Variants in DYRK1A observed in about 807,000 individuals in gnomAD.
DYRK1A encodes dual specificity tyrosine-phosphorylation-regulated kinase 1A.
Under a neutral mutation model 79.7 loss-of-function variants are expected in DYRK1A, and 9 were observed. That is an observed-to-expected ratio of 0.11 (90% CI 0.07 to 0.20). The LOEUF (loss-of-function observed/expected upper bound fraction) is 0.20. Among genes scored for constraint, DYRK1A ranks in the 10% least tolerant of loss-of-function variants. DYRK1A has a pLI of 1.00. For synonymous variants in DYRK1A, 349 were observed against 329.7 expected, an observed-to-expected ratio of 1.06 and a Z score of -0.63; for missense variants, 622 against 956.0, an observed-to-expected ratio of 0.65 and a Z score of 4.61.
Position 37,505,409 on chromosome 21 carries a change from A to G in DYRK1A, c.1339A>G (p.Ile447Val), listed in dbSNP as rs1268200083. ...TGACTACTTGAAGTTCAAAGACCTC[A>G]TTTTAAGGATGCTTGATTATGACCC... Reference protein sequence around the residue: ...VADYLKFKDLILRMLDYDPKT... With the variant: ...VADYLKFKDLVLRMLDYDPKT... The change falls in exon 10 of 12, where the codon ATT becomes GTT. Residue 447 changes from isoleucine (I) to valine (V), a missense_variant. By Grantham distance (29) the Ile-to-Val change is conservative. This residue lies in a region of DYRK1A where 80 missense variants were observed against 116.5 expected (regional missense o/e 0.69). Transcript: ENST00000647188. The G allele has an allele frequency of 3.1e-6, 5 of 1,614,196 alleles. No homozygotes were observed. The highest frequency in any genetic ancestry group is 4.2e-6 in the Non-Finnish European group (5 of 1,180,030).
At chr21:37,495,069 T>G (rs1283307211) in intron 8 of DYRK1A, among the ~76,000 whole-genome samples, 1 of 152,004 alleles carries the variant, frequency 6.6e-6, no homozygotes, top group Non-Finnish European at 1.5e-5. Flanking sequence ...TGAATATGGT[T>G]CCTAGCATAT....
chr21:37,497,041 C>A lies in DYRK1A; in HGVS notation c.1212+783C>A, dbSNP rs139249576. Among the ~76,000 whole-genome samples the A allele has an allele frequency of 7.3e-4, 111 of 152,116 alleles. 1 individual carries two copies. The highest frequency in any genetic ancestry group is 6.9e-3 in the East Asian group (36 of 5,180). ...TGTATAAATATGTGATTGAATATGACCCCCACACACACATGTACATACAGA... is the reference window on the plus strand; with the variant it reads ...TGTATAAATATGTGATTGAATATGAACCCCACACACACATGTACATACAGA... On this transcript the variant is annotated intron_variant, in intron 9 of 11. Transcript: ENST00000647188.
At chr21:37,495,135 A>T (rs1243587486) in intron 8 of DYRK1A, among the ~76,000 whole-genome samples, 1 of 148,432 alleles carries the variant, frequency 6.7e-6, no homozygotes, top group Admixed American at 6.7e-5. Context: ...TCCATACTTT[A>T]TTAAGCCTCT....
intron 2 of DYRK1A, among the ~76,000 whole-genome samples, chr21:37,420,850 T>A (rs1442879219): frequency 6.6e-6 from 1 of 152,144 alleles, no homozygotes; most frequent in Non-Finnish European, 1.5e-5. Context: ...GTTTATTTTT[T>A]CCTTGTTCCC....
intron 8 of DYRK1A, among the ~76,000 whole-genome samples, chr21:37,494,998 A>G (rs890051229): frequency 1.3e-5 from 2 of 151,514 alleles, no homozygotes; most frequent in Non-Finnish European, 2.9e-5. Flanking sequence ...CTGTCTTCCC[A>G]CTATAACATA....
At position 37,427,391 on chromosome 21, in the gene DYRK1A, T is replaced by C. The variant is rs1451610614; in HGVS notation, c.10+7007T>C. Among the ~76,000 whole-genome samples the C allele has an allele frequency of 2.0e-5, 3 of 152,258 alleles. No individual in the cohort carries two copies. The East Asian group carries it at 5.8e-4, about 29-fold the overall frequency. On this transcript the variant is annotated intron_variant, in intron 2 of 11. Transcript: ENST00000647188. ...CTTCCGCCTTAACCTCCCAAAGTGC[T>C]GGGATTACAGGTGTGAGTCACCGTC...
chr21:37,389,925 GTT>G (rs113974002), intron 1 of DYRK1A, among the ~76,000 whole-genome samples: 15 of 135,044 alleles, frequency 1.1e-4, no homozygotes, highest in Admixed American at 2.2e-4. Context: ...TTTGTTTTTT[GTT>G]TTTTTTTTTT....
At chr21:37,459,975 A>T (rs2051784069) in intron 2 of DYRK1A, among the ~76,000 whole-genome samples, 1 of 152,188 alleles carries the variant, frequency 6.6e-6, no homozygotes, top group South Asian at 2.1e-4. Context: ...GTCAGGAAGG[A>T]TCCTGCAGCC....
chr21:37,381,026 A>G (rs1312434068), intron 1 of DYRK1A, among the ~76,000 whole-genome samples: 1 of 152,154 alleles, frequency 6.6e-6, no homozygotes. Flanking sequence ...ACAGTTGATA[A>G]TTTTTTAGTG....
At chr21:37,365,725 A>T (rs903530537), upstream of DYRK1A, 2 of 152,260 alleles carry the variant, frequency 1.3e-5, no homozygotes, top group South Asian at 4.1e-4. Context: ...GAAACCGAGA[A>T]GGTGTATAGA....
At chr21:37,429,733 T>C (rs926899362) in intron 2 of DYRK1A, among the ~76,000 whole-genome samples, 13 of 152,246 alleles carry the variant, frequency 8.5e-5, no homozygotes, top group African/African-American at 2.9e-4. Context: ...TATTGTTAAA[T>C]TCAGACTTGT....
At chr21:37,378,913 TGAA>T (rs1456976323) in intron 1 of DYRK1A, among the ~76,000 whole-genome samples, 1 of 152,120 alleles carries the variant, frequency 6.6e-6, no homozygotes, top group African/African-American at 2.4e-5. Context: ...GTCTCGATCT[TGAA>T]GAGTGGATGG....
intron 5 of DYRK1A, among the ~76,000 whole-genome samples, chr21:37,484,821 A>G (rs187138028): frequency 1.3e-5 from 2 of 152,302 alleles, no homozygotes; most frequent in African/African-American, 2.4e-5. Context: ...CTGTGACGAT[A>G]GAGTCCTGCT....
chr21:37,404,711 A>G (rs2050117478), intron 1 of DYRK1A, among the ~76,000 whole-genome samples: 2 of 152,228 alleles, frequency 1.3e-5, no homozygotes, highest in South Asian at 4.1e-4. Context: ...GTTGATTGTC[A>G]GAAAACAGTT....
rs1427010605 is a variant in DYRK1A, at chr21:37,517,032, G to T, written c.*4501G>T. On this transcript the variant is annotated 3_prime_UTR_variant, in exon 12 of 12. Coordinates refer to ENST00000647188, the MANE Select transcript of DYRK1A (RefSeq NM_001347721.2). ...ATGTGGGTAAATTTCCATTTCAGTT[G>T]AATTTCCTGTCATCCCCAGCAAAAC... 6.6e-6 allele frequency: 1 copy of T among 152,128 alleles called. No homozygotes were observed. The highest frequency in any genetic ancestry group is 1.5e-5 in the Non-Finnish European group (1 of 68,022). The allele number at this position is 152,128 out of a possible 1,614,324, so 9.4% of individuals were successfully genotyped here.
chr21:37,448,378 G>A (rs1020627549), intron 2 of DYRK1A, among the ~76,000 whole-genome samples: 1 of 152,092 alleles, frequency 6.6e-6, no homozygotes, highest in African/African-American at 2.4e-5. Flanking sequence ...AGAGTCACCT[G>A]AGAAACTTCA....
At chr21:37,498,628 T>TA (rs770228726) in intron 9 of DYRK1A, among the ~76,000 whole-genome samples, 26 of 152,222 alleles carry the variant, frequency 1.7e-4, no homozygotes, top group Non-Finnish European at 1.8e-4. Context: ...AGTTTGGGAC[T>TA]ATTATGAATA....
intron 2 of DYRK1A, chr21:37,464,321 C>G (rs936975098): frequency 2.0e-6 from 1 of 490,096 alleles, no homozygotes; most frequent in Non-Finnish European, 4.0e-6. Context: ...TAGTTCCTTG[C>G]TAGAACATAG....
At chr21:37,439,963 CTTTAT>C (rs1252224183) in intron 2 of DYRK1A, among the ~76,000 whole-genome samples, 1 of 151,552 alleles carries the variant, frequency 6.6e-6, no homozygotes, top group Non-Finnish European at 1.5e-5. Flanking sequence ...TTATGATGGT[CTTTAT>C]TTTGATTGTT....
Sources: gnomAD v4.1 joint callset for allele counts (sites outside exome capture counted in the v4.1 genomes callset) on GRCh38, gnomAD v4.1.1 for gene constraint, gnomAD v4.1.1 regional missense constraint, MANE v1.5 for transcripts, NCBI Gene and HGNC (gene_info 2026-07-23, HGNC 2026-07-21) for gene names.